PRKACB: variants seen among roughly 807,000 people sequenced by gnomAD.
PRKACB encodes the protein protein kinase cAMP-activated catalytic subunit beta.
In PRKACB, 16 loss-of-function variants were observed where a neutral mutation model predicts 51.4. That is an observed-to-expected ratio of 0.31 (90% CI 0.21 to 0.47). PRKACB has a LOEUF of 0.47. Ranked by LOEUF, PRKACB falls within the 20% of genes least tolerant of loss-of-function variation. The pLI, the probability that PRKACB is intolerant of heterozygous loss-of-function variation, is 1.00. For synonymous variants in PRKACB, 147 were observed against 154.4 expected (o/e 0.95, Z 0.35); for missense variants, 309 against 464.5 (o/e 0.67, Z 3.08).
At chr1:84,090,006 G>A (rs182147319) in intron 1 of PRKACB, among the ~76,000 whole-genome samples, 5 of 152,132 alleles carry the variant, frequency 3.3e-5, no homozygotes, top group African/African-American at 1.2e-4. Context: ...TCAGCTATGT[G>A]CTTTCTCAGT....
At position 84,205,238 on chromosome 1, in the gene PRKACB, T is replaced by C. The variant is rs530919184; in HGVS notation, c.906+2433T>C. 143 of 984,806 alleles carry C rather than the reference T, an allele frequency of 1.5e-4. 1 individual carries two copies. In the Middle Eastern group the frequency reaches 4.7e-3, roughly 32 times the overall value. The allele number at this position is 984,806 out of a possible 1,614,324, so 61.0% of individuals were successfully genotyped here. A position where few individuals can be genotyped will look rare whatever the true frequency, so the allele number is the denominator to read the frequency against. Reference sequence around the variant, plus strand: ...ATTTTTGCCATTAAAAGGCTCTGTATTATGTGAAGTTAGATTGTATTAACC... The same window carrying C: ...ATTTTTGCCATTAAAAGGCTCTGTACTATGTGAAGTTAGATTGTATTAACC... On this transcript the variant is annotated intron_variant, in intron 8 of 9. Coordinates refer to ENST00000370685, the MANE Select transcript of PRKACB (RefSeq NM_182948.4).
rs1670539934 is a variant in PRKACB, at chr1:84,202,916, G to A, written c.906+111G>A. On this transcript the variant is annotated intron_variant, in intron 8 of 9. Coordinates refer to ENST00000370685, the MANE Select transcript of PRKACB (RefSeq NM_182948.4). ...ATTATTCTACATTGGGAAAAATATA[G>A]AAAAATCTACAGTTGCTGCTCTTAC... 8 of 1,009,518 alleles carry A rather than the reference G, an allele frequency of 7.9e-6. No individual in the cohort carries two copies. The South Asian group carries it at 1.8e-4, about 23-fold the overall frequency. The allele number at this position is 1,009,518 out of a possible 1,614,324, so 62.5% of individuals were successfully genotyped here. A position where few individuals can be genotyped will look rare whatever the true frequency, so the allele number is the denominator to read the frequency against.
intron 1 of PRKACB, among the ~76,000 whole-genome samples, chr1:84,167,424 C>T (rs1657866160): frequency 6.6e-6 from 1 of 151,446 alleles, no homozygotes; most frequent in Non-Finnish European, 1.5e-5. Flanking sequence ...GCTACCTTTC[C>T]ATATTTATAG....
intron 1 of PRKACB, among the ~76,000 whole-genome samples, chr1:84,084,764 A>G (rs1161383013): frequency 3.3e-5 from 5 of 152,140 alleles, no homozygotes; most frequent in African/African-American, 1.2e-4. Flanking sequence ...CCAGTAATAG[A>G]GTCAGGAAAT....
At chr1:84,194,583 C>T (rs1039508916) in intron 5 of PRKACB, among the ~76,000 whole-genome samples, 1 of 152,096 alleles carries the variant, frequency 6.6e-6, no homozygotes, top group Non-Finnish European at 1.5e-5. Flanking sequence ...GTAGAAATAC[C>T]CAATAACACT....
intron 6 of PRKACB, among the ~76,000 whole-genome samples, chr1:84,197,183 C>A (rs1010347438): frequency 6.6e-6 from 1 of 152,156 alleles, no homozygotes; most frequent in African/African-American, 2.4e-5. Flanking sequence ...AGTCTGATCC[C>A]AGAGTCCATG....
At chr1:84,181,616 C>A in intron 2 of PRKACB, 2 of 1,229,446 alleles carry the variant, frequency 1.6e-6, no homozygotes, top group South Asian at 1.9e-5. Context: ...TTAGATAATA[C>A]TGTGTTTTTA....
intron 1 of PRKACB, among the ~76,000 whole-genome samples, chr1:84,099,543 G>GT (rs1649177494): frequency 6.6e-6 from 1 of 151,744 alleles, no homozygotes; most frequent in African/African-American, 2.4e-5. Context: ...TAATTGAATT[G>GT]TTCCCCCCCC....
chr1:84,164,062 A>G (rs1656661324), intron 1 of PRKACB, among the ~76,000 whole-genome samples: 1 of 152,048 alleles, frequency 6.6e-6, no homozygotes. Context: ...TGAATACCAC[A>G]TGGATGGCAT....
chr1:84,188,982 A>G (rs1665978139), intron 5 of PRKACB, among the ~76,000 whole-genome samples: 1 of 152,006 alleles, frequency 6.6e-6, no homozygotes, highest in African/African-American at 2.4e-5. Context: ...AACTTTTATT[A>G]TTTTTAAAGC....
intron 1 of PRKACB, among the ~76,000 whole-genome samples, chr1:84,092,951 A>C (rs1648604853): frequency 6.6e-6 from 1 of 151,778 alleles, no homozygotes; most frequent in Non-Finnish European, 1.5e-5. Flanking sequence ...TTTTCAAAAA[A>C]ATTGATTTGT....
chr1:84,169,811 C>T (rs2812448), intron 1 of PRKACB, among the ~76,000 whole-genome samples: 146,965 of 151,692 alleles, frequency 0.97, 71,286 homozygotes, highest in Non-Finnish European at 0.99. Context: ...TGCCTAAATA[C>T]ATCCTGGTGA....
chr1:84,132,402 C>T (rs1652324490), intron 1 of PRKACB, among the ~76,000 whole-genome samples: 1 of 152,130 alleles, frequency 6.6e-6, no homozygotes, highest in Admixed American at 6.5e-5. Flanking sequence ...AGCTTACCTC[C>T]TGGCCAGATT....
intron 9 of PRKACB, among the ~76,000 whole-genome samples, chr1:84,222,861 G>A (rs1673951765): frequency 6.6e-6 from 1 of 152,086 alleles, no homozygotes; most frequent in African/African-American, 2.4e-5. Context: ...GGCCTGCAGG[G>A]TCTCCCCTGA....
At chr1:84,213,209 A>G (rs1672388219) in intron 8 of PRKACB, among the ~76,000 whole-genome samples, 1 of 152,134 alleles carries the variant, frequency 6.6e-6, no homozygotes, top group South Asian at 2.1e-4. Context: ...GAGGGTAATG[A>G]AAGGGATTGA....
chr1:84,168,681 A>T (rs191767439), intron 1 of PRKACB, among the ~76,000 whole-genome samples: 2 of 151,760 alleles, frequency 1.3e-5, no homozygotes, highest in South Asian at 4.1e-4. Context: ...AGTCTAATTA[A>T]CAGTTTTAAC....
chr1:84,148,324 A>G (rs1453629917), intron 1 of PRKACB, among the ~76,000 whole-genome samples: 1 of 151,976 alleles, frequency 6.6e-6, no homozygotes, highest in African/African-American at 2.4e-5. Context: ...ATGTTCTTAT[A>G]TCATCTTATA....
chr1:84,123,297 G>T (rs185062683), intron 1 of PRKACB, among the ~76,000 whole-genome samples: 6 of 152,140 alleles, frequency 3.9e-5, no homozygotes, highest in African/African-American at 1.4e-4. Context: ...AATTAAAACT[G>T]TATCAACATG....
chr1:84,162,683 T>G (rs969510882), intron 1 of PRKACB, among the ~76,000 whole-genome samples: 1 of 152,088 alleles, frequency 6.6e-6, no homozygotes, highest in Admixed American at 6.6e-5. Flanking sequence ...TGTTCATTAC[T>G]GTCGTGTTTT....
Sources: gnomAD v4.1 joint callset for allele counts (sites outside exome capture counted in the v4.1 genomes callset) on GRCh38, gnomAD v4.1.1 for gene constraint, MANE v1.5 for transcripts, NCBI Gene and HGNC (gene_info 2026-07-23, HGNC 2026-07-21) for gene names.